EXTL3: variants seen among roughly 807,000 people sequenced by gnomAD.
EXTL3 encodes the protein exostosin like glycosyltransferase 3, also known as exostosin-like 3.
In EXTL3, 27 loss-of-function variants were observed where a neutral mutation model predicts 69.3. That is an observed-to-expected ratio of 0.39 (90% CI 0.29 to 0.54). The LOEUF (loss-of-function observed/expected upper bound fraction) is 0.54. Ranked by LOEUF, EXTL3 falls within the 20% of genes least tolerant of loss-of-function variation. The pLI is 0.69. For missense variants in EXTL3, 1,003 were observed against 1,231.8 expected (o/e 0.81, Z 2.78); for synonymous variants, 511 against 499.4 (o/e 1.02, Z -0.31).
rs1801147646 is a variant in EXTL3, at chr8:28,716,398, G to T, written c.339G>T (p.Lys113Asn). The part of the protein sequence containing the change: ...LNSEIAKLNL[K>N]IEACKKSIEN... ...GCGAGATCGCCAAGCTGAATCTGAA[G>T]ATCGAAGCCTGTAAGAAGAGCATTG... Residue 113 changes from lysine (K) to asparagine (N), a missense_variant, in exon 3 of 7, where the codon AAG (lysine) becomes AAT (asparagine). Lys to Asn is a moderately conservative substitution (Grantham distance 94). Transcript: ENST00000220562. This position sits in a 1 kb window ranked among gnomAD's most constrained non-coding sequence, Gnocchi z 7.1. 2 of 1,613,756 alleles carry T rather than the reference G, an allele frequency of 1.2e-6. No homozygotes were observed. The highest frequency in any genetic ancestry group is 1.3e-5 in the African/African-American group (1 of 74,936).
Position 28,717,783 on chromosome 8 carries a change from T to A in EXTL3, c.1724T>A (p.Leu575Gln). ...ATGGCTGACAACGGGGACCTGGACC[T>A]GGGGCCAGTGGAGACGGAGCCGCCC... ...PNMADNGDLD[L>Q]GPVETEPPYA... Residue 575 changes from leucine (L) to glutamine (Q), a missense_variant, in exon 3 of 7, where the codon CTG becomes CAG. Physicochemically the swap from Leu to Gln is moderately radical, Grantham distance 113. Transcript: ENST00000220562. The surrounding 1 kb of genome is among the most constrained non-coding windows in gnomAD (Gnocchi z 8.3). The A allele has an allele frequency of 1.9e-6, 3 of 1,613,468 alleles. No homozygotes were observed. Among genetic ancestry groups the A allele is most frequent in the Non-Finnish European group, 2.5e-6 (3 of 1,179,470 alleles).
At chr8:28,747,687 A>G (rs1480551664) in intron 6 of EXTL3, among the ~76,000 whole-genome samples, 6 of 150,762 alleles carry the variant, frequency 4.0e-5, no homozygotes, top group Non-Finnish European at 3.0e-5. Context: ...ATATATACAC[A>G]TATGTGTGTA....
intron 1 of EXTL3, among the ~76,000 whole-genome samples, chr8:28,689,860 TC>T (rs1422324899): frequency 6.6e-6 from 1 of 152,228 alleles, no homozygotes; most frequent in Non-Finnish European, 1.5e-5. Flanking sequence ...GATGGATTAT[TC>T]AGTTTACTGA....
Position 28,685,853 on chromosome 8 carries a change from T to A in EXTL3, c.-52-27604T>A, listed in dbSNP as rs537334738. The A allele has an allele frequency of 8.1e-5, 12 of 147,692 alleles. No homozygotes were observed. The East Asian group carries it at 2.3e-3, about 28-fold the overall frequency. 9.1% of individuals were successfully genotyped at this position (147,692 alleles called of 1,614,324 possible). A position where few individuals can be genotyped will look rare whatever the true frequency, so the allele number is the denominator to read the frequency against. On this transcript the variant is annotated intron_variant, in intron 1 of 6. Coordinates refer to the EXTL3 transcript ENST00000523149. Reference sequence around the variant, plus strand: ...TATATATATACATATTTTATATTTTTATTTATTTTTTATTTTTATTTTTTT... The same window carrying A: ...TATATATATACATATTTTATATTTTAATTTATTTTTTATTTTTATTTTTTT...
At chr8:28,660,246 A>G (rs140269244) in intron 1 of EXTL3, among the ~76,000 whole-genome samples, 1,685 of 152,164 alleles carry the variant, frequency 0.011, 25 homozygotes, top group South Asian at 0.072. Flanking sequence ...CACCTGTAGT[A>G]CCAGCTACTT....
rs542571789 is a variant in EXTL3, at chr8:28,727,406, A to G, written c.2149-3817A>G. ...AAAAACTAGTGTGAAATCTAGGCCA[A>G]AACACTTTGATATTTGACCTCCAGC... On this transcript the variant is annotated intron_variant, in intron 3 of 6. Coordinates refer to ENST00000220562, the MANE Select transcript of EXTL3 (RefSeq NM_001440.4). Among the ~76,000 whole-genome samples, 15 of 152,316 alleles carry G rather than the reference A, an allele frequency of 9.8e-5. 1 individual carries two copies. In the South Asian group the frequency reaches 1.7e-3, roughly 17 times the overall value.
rs2130741221 is a variant in EXTL3 at position 28,717,752 on chromosome 8, C to G, written c.1693C>G (p.Pro565Ala). 1 of 1,614,154 alleles carries G rather than the reference C, an allele frequency of 6.2e-7. No homozygotes were observed. The highest frequency in any genetic ancestry group is 1.7e-5 in the Admixed American group (1 of 60,032). ...TTCAGGCAAGGCGGCTGGAACTGAC[C>G]CCAACATGGCTGACAACGGGGACCT... ...HRSGKAAGTD[P>A]NMADNGDLDL... is the part of the protein sequence containing the mutation. The change falls in exon 3 of 7, where the codon CCC (proline) becomes GCC (alanine). Residue 565 changes from proline to alanine, a missense_variant. Physicochemically the swap from Pro to Ala is conservative, Grantham distance 27. Around this residue, in one of 2 missense-constraint regions of EXTL3, gnomAD observed 742 missense variants for 815.4 expected, o/e 0.91. Coordinates refer to ENST00000220562, the MANE Select transcript of EXTL3 (RefSeq NM_001440.4). The surrounding 1 kb of genome is among the most constrained non-coding windows in gnomAD (Gnocchi z 8.3).
intron 1 of EXTL3, among the ~76,000 whole-genome samples, chr8:28,652,165 A>G (rs1472663710): frequency 1.3e-5 from 2 of 151,806 alleles, no homozygotes; most frequent in African/African-American, 4.9e-5. Flanking sequence ...GTGTGCAAGT[A>G]TTTGCCTGAG....
In EXTL3 at chr8:28,717,799, G is replaced by C. The variant is rs759701104; in HGVS notation, c.1740G>C (p.Thr580=). 6 of 1,613,076 alleles carry C rather than the reference G, an allele frequency of 3.7e-6. No homozygotes were observed. The highest frequency in any genetic ancestry group is 5.1e-6 in the Non-Finnish European group (6 of 1,179,216). The change falls in exon 3 of 7, where the codon ACG becomes ACC. Residue 580 remains threonine (T), a synonymous_variant. Transcript: ENST00000220562. This position sits in a 1 kb window ranked among gnomAD's most constrained non-coding sequence, Gnocchi z 8.3. ...ACCTGGACCTGGGGCCAGTGGAGAC[G>C]GAGCCGCCCTACGCCTCACCCAGAT... is the stretch of plus-strand genomic sequence containing the variant. The part of the protein sequence containing the change: ...NGDLDLGPVE[T]EPPYASPRYL...
intron 1 of EXTL3, among the ~76,000 whole-genome samples, chr8:28,625,056 AG>A (rs1806470637): frequency 1.3e-5 from 2 of 152,248 alleles, no homozygotes; most frequent in Non-Finnish European, 2.9e-5. Flanking sequence ...TTGCTTCTAA[AG>A]GAGGTAAACT....
At chr8:28,663,157 A>G (rs534107021) in intron 1 of EXTL3, among the ~76,000 whole-genome samples, 2 of 152,338 alleles carry the variant, frequency 1.3e-5, no homozygotes, top group Admixed American at 1.3e-4. Context: ...TGACTTTGCA[A>G]AAGCAAATTT....
intron 3 of EXTL3, among the ~76,000 whole-genome samples, chr8:28,729,345 C>T (rs552599791): frequency 4.5e-4 from 67 of 149,266 alleles, no homozygotes; most frequent in African/African-American, 1.6e-3. Flanking sequence ...GCCTGTAGTC[C>T]CAGCACTTTG....
intron 1 of EXTL3, among the ~76,000 whole-genome samples, chr8:28,668,631 C>G (rs539405098): frequency 4.6e-4 from 70 of 152,040 alleles, no homozygotes; most frequent in African/African-American, 1.7e-3. Context: ...GCCACTGTGC[C>G]TAGCCCAGAG....
chr8:28,673,770 T>G (rs888308949), intron 1 of EXTL3, among the ~76,000 whole-genome samples: 1 of 152,204 alleles, frequency 6.6e-6, no homozygotes, highest in Non-Finnish European at 1.5e-5. Flanking sequence ...TATCTATATA[T>G]AGAGATATCT....
At chr8:28,669,009 G>A (rs1388998892) in intron 1 of EXTL3, among the ~76,000 whole-genome samples, 3 of 151,746 alleles carry the variant, frequency 2.0e-5, no homozygotes, top group Admixed American at 6.6e-5. Context: ...GACTACAGGT[G>A]TGTGCCACCA....
chr8:28,649,119 G>A (rs547819264), intron 1 of EXTL3, among the ~76,000 whole-genome samples: 11 of 152,260 alleles, frequency 7.2e-5, no homozygotes, highest in Admixed American at 3.9e-4. Context: ...GCCTAGGCTG[G>A]ACTTGAACTC....
intron 6 of EXTL3, among the ~76,000 whole-genome samples, chr8:28,746,004 T>C (rs1478878559): frequency 6.6e-6 from 1 of 152,234 alleles, no homozygotes; most frequent in East Asian, 1.9e-4. Context: ...CTTCAACTTA[T>C]GAATCTAATT....
intron 6 of EXTL3, among the ~76,000 whole-genome samples, chr8:28,749,515 C>G (rs767461681): frequency 6.6e-6 from 1 of 152,188 alleles, no homozygotes; most frequent in East Asian, 1.9e-4. Flanking sequence ...GCCAGTGTTT[C>G]CAAAGGCCCC....
chr8:28,708,697 G>T (rs942594106), intron 1 of EXTL3, among the ~76,000 whole-genome samples: 1 of 152,084 alleles, frequency 6.6e-6, no homozygotes, highest in Non-Finnish European at 1.5e-5. Flanking sequence ...AATTGGAAGG[G>T]CTCCTGGTGA....
Sources: allele counts gnomAD v4.1 joint callset (sites outside exome capture counted in the v4.1 genomes callset), GRCh38; gene constraint gnomAD v4.1.1; regional missense constraint gnomAD v4.1.1; non-coding constraint Gnocchi (gnomAD v3.1); transcripts MANE v1.5; gene names NCBI Gene and HGNC (gene_info 2026-07-23, HGNC 2026-07-21).